GMDS: variants seen among roughly 807,000 people sequenced by gnomAD.
GMDS encodes the protein GDP-mannose 4,6-dehydratase, also known as GDP-mannose 4,6 dehydratase.
Under a neutral mutation model 49.9 loss-of-function variants are expected in GMDS, and 20 were observed. The ratio of observed to expected loss-of-function variants is 0.40; its 90% CI spans 0.28 to 0.58. The LOEUF (loss-of-function observed/expected upper bound fraction) is 0.58. GMDS is among the 20% of genes least tolerant of loss of function. The pLI is 0.42. For synonymous variants in GMDS, 177 were observed against 178.6 expected (o/e 0.99, Z 0.07); for missense variants, 362 against 481.4 (o/e 0.75, Z 2.32).
intron 6 of GMDS, among the ~76,000 whole-genome samples, chr6:1,937,908 C>T (rs1209028928): frequency 1.3e-5 from 2 of 152,112 alleles, no homozygotes; most frequent in African/African-American, 4.8e-5. Context: ...TGCGGTGGCT[C>T]ATGCCTATAA....
At chr6:2,074,774 GA>G (rs1023131767) in intron 4 of GMDS, among the ~76,000 whole-genome samples, 2 of 152,130 alleles carry the variant, frequency 1.3e-5, no homozygotes, top group Non-Finnish European at 2.9e-5. Context: ...AAAGTGCTGG[GA>G]TTACAAGCAT....
At chr6:2,009,579 A>C (rs1027796806) in intron 4 of GMDS, among the ~76,000 whole-genome samples, 1 of 152,336 alleles carries the variant, frequency 6.6e-6, no homozygotes, top group East Asian at 1.9e-4. Flanking sequence ...CTGAGCACAG[A>C]AAACCATTCA....
chr6:2,111,700 G>A (rs1357560964), intron 4 of GMDS, among the ~76,000 whole-genome samples: 1 of 152,058 alleles, frequency 6.6e-6, no homozygotes, highest in Non-Finnish European at 1.5e-5. Flanking sequence ...CTAATATTAG[G>A]ACCTTTTTTC....
Position 1,836,540 on chromosome 6 carries a change from T to C in GMDS, c.771+93563A>G, listed in dbSNP as rs564048773. On this transcript the variant is annotated intron_variant, in intron 7 of 10. Transcript: ENST00000380815. This position sits in a 1 kb window ranked among gnomAD's most constrained non-coding sequence, Gnocchi z 4.2. ...CTGCAAAGTGCTGGTGCATACTTTA[T>C]GATAAAATAGCTAATGTCCTTTCAT... 2.0e-5 allele frequency among the ~76,000 whole-genome samples: 3 copies of C among 152,380 alleles called. No individual in the cohort carries two copies. The highest frequency in any genetic ancestry group is 7.2e-5 in the African/African-American group (3 of 41,596).
intron 1 of GMDS, among the ~76,000 whole-genome samples, chr6:2,187,823 A>G (rs777190860): frequency 1.3e-5 from 2 of 152,246 alleles, no homozygotes; most frequent in Non-Finnish European, 2.9e-5. Context: ...GGAGACTGTT[A>G]TTTAAAAAGG....
At chr6:1,655,559 A>T (rs1343305869) in intron 9 of GMDS, among the ~76,000 whole-genome samples, 1 of 148,472 alleles carries the variant, frequency 6.7e-6, no homozygotes, top group African/African-American at 2.5e-5. Context: ...TCTGTTGCCC[A>T]GCTGGAGTGC....
At chr6:1,946,677 C>G (rs73425583) in intron 6 of GMDS, among the ~76,000 whole-genome samples, 3,753 of 152,220 alleles carry the variant, frequency 0.025, 145 homozygotes, top group African/African-American at 0.084. Flanking sequence ...CTGAAAACAT[C>G]AAGCAGGTAC....
chr6:1,965,935 T>C (rs1764235907), intron 4 of GMDS, among the ~76,000 whole-genome samples: 1 of 152,122 alleles, frequency 6.6e-6, no homozygotes, highest in Admixed American at 6.5e-5. Flanking sequence ...ACATGGAAGG[T>C]CCAGAGAGCT....
At chr6:1,724,279 T>C (rs1338773197) in intron 9 of GMDS, among the ~76,000 whole-genome samples, 1 of 152,186 alleles carries the variant, frequency 6.6e-6, no homozygotes, top group African/African-American at 2.4e-5. Flanking sequence ...AGAATGCTAG[T>C]GTCAACAGAG....
At chr6:1,889,685 G>T (rs1759782918) in intron 7 of GMDS, among the ~76,000 whole-genome samples, 1 of 152,092 alleles carries the variant, frequency 6.6e-6, no homozygotes, top group African/African-American at 2.4e-5. Context: ...AGTATACTCA[G>T]GGAGTCACAC....
Position 2,228,815 on chromosome 6 carries a change from C to T in GMDS, c.102+16506G>A, listed in dbSNP as rs535204652. 3.3e-5 allele frequency among the ~76,000 whole-genome samples: 5 copies of T among 152,326 alleles called. No homozygotes were observed. The South Asian group carries it at 1.0e-3, about 32-fold the overall frequency. On this transcript the variant is annotated intron_variant, in intron 1 of 10. Coordinates refer to ENST00000380815, the MANE Select transcript of GMDS (RefSeq NM_001500.4). ...TGCCCCTGGAATTAGCCCCAATACC[C>T]CCCGTTGACAGCTTCAACAAGTGGG...
intron 4 of GMDS, among the ~76,000 whole-genome samples, chr6:2,040,951 T>C (rs1311984633): frequency 6.6e-6 from 1 of 152,212 alleles, no homozygotes; most frequent in Non-Finnish European, 1.5e-5. Context: ...GACTGCCGTG[T>C]AACTTAAAAT....
At chr6:1,936,740 G>T (rs1762564707) in intron 6 of GMDS, among the ~76,000 whole-genome samples, 1 of 152,172 alleles carries the variant, frequency 6.6e-6, no homozygotes, top group African/African-American at 2.4e-5. Context: ...GCTGAGGTGG[G>T]CAGATCAACT....
In GMDS at chr6:2,106,940, T is replaced by C. The variant is rs1192456904; in HGVS notation, c.345+8831A>G. On this transcript the variant is annotated intron_variant, in intron 4 of 10. Transcript: ENST00000380815. Reference sequence around the variant, plus strand: ...ACTCTTTACCCACCATTTTTATAAATAGCATCTAGAAATTAATATTGTGGT... The same window carrying C: ...ACTCTTTACCCACCATTTTTATAAACAGCATCTAGAAATTAATATTGTGGT... Among the ~76,000 whole-genome samples, 4 of 152,218 alleles carry C rather than the reference T, an allele frequency of 2.6e-5. No individual in the cohort carries two copies. In the East Asian group the frequency reaches 7.7e-4, roughly 29 times the overall value.
rs188731985 is a variant in GMDS, at chr6:1,756,535, G to A, written c.772-13949C>T. Among the ~76,000 whole-genome samples, 14 of 152,314 alleles carry A rather than the reference G, an allele frequency of 9.2e-5. 1 individual carries two copies. The highest frequency in any genetic ancestry group is 3.4e-4 in the African/African-American group (14 of 41,552). On this transcript the variant is annotated intron_variant, in intron 7 of 10. Coordinates refer to ENST00000380815, the MANE Select transcript of GMDS (RefSeq NM_001500.4). ...GATCTGCCCGCCTCGGCCTCCCAAGGTGCTGGGATTACAGGCATGAGCCAC... is the reference window on the plus strand; with the variant it reads ...GATCTGCCCGCCTCGGCCTCCCAAGATGCTGGGATTACAGGCATGAGCCAC...
chr6:1,864,245 T>C (rs1438855475), intron 7 of GMDS, among the ~76,000 whole-genome samples: 1 of 152,192 alleles, frequency 6.6e-6, no homozygotes, highest in Admixed American at 6.5e-5. Flanking sequence ...ACTTCTGTGT[T>C]AGAAAAAAGA....
At chr6:2,026,419 C>G (rs969671315) in intron 4 of GMDS, among the ~76,000 whole-genome samples, 1 of 152,144 alleles carries the variant, frequency 6.6e-6, no homozygotes, top group African/African-American at 2.4e-5. Flanking sequence ...AATAATAACA[C>G]CAAGTCATGC....
At chr6:2,088,194 C>G (rs1234471983) in intron 4 of GMDS, among the ~76,000 whole-genome samples, 1 of 151,774 alleles carries the variant, frequency 6.6e-6, no homozygotes, top group Non-Finnish European at 1.5e-5. Flanking sequence ...GCTGAGATTA[C>G]AAAGCTTAAT....
At chr6:1,669,204 G>A (rs760997150) in intron 9 of GMDS, among the ~76,000 whole-genome samples, 14 of 152,184 alleles carry the variant, frequency 9.2e-5, no homozygotes, top group Non-Finnish European at 1.6e-4. Context: ...AGCAGGGTTG[G>A]GCAGGCTGGG....
Sources: gnomAD v4.1 joint callset for allele counts (sites outside exome capture counted in the v4.1 genomes callset) on GRCh38, gnomAD v4.1.1 for gene constraint, Gnocchi (gnomAD v3.1) non-coding constraint, MANE v1.5 for transcripts, NCBI Gene and HGNC (gene_info 2026-07-23, HGNC 2026-07-21) for gene names.